The following PKD1L1 variants were observed in gnomAD, a reference collection of about 807,000 sequenced individuals.
PKD1L1 encodes the protein polycystin-1-like protein 1.
Under a neutral mutation model 323.4 loss-of-function variants are expected in PKD1L1, and 236 were observed. The ratio of observed to expected loss-of-function variants is 0.73; its 90% CI spans 0.66 to 0.81. PKD1L1 has a LOEUF of 0.81. PKD1L1 is among the 40% of genes least tolerant of loss of function. The probability of loss-of-function intolerance (pLI) is 0.00; values close to 1 mark genes in which losing one functional copy is unlikely to be tolerated. For synonymous variants in PKD1L1, 1,344 were observed against 1,335.0 expected (o/e 1.01, Z -0.15); for missense variants, 3,320 against 3,508.0 (o/e 0.95, Z 1.35).
intron 24 of PKD1L1, among the ~76,000 whole-genome samples, chr7:47,870,137 T>A (rs1011076104): frequency 1.3e-5 from 2 of 151,332 alleles, no homozygotes; most frequent in African/African-American, 4.9e-5. Context: ...ATAAAGAAGA[T>A]GACGAATCAA....
intron 31 of PKD1L1, among the ~76,000 whole-genome samples, chr7:47,850,889 T>C (rs1785767830): frequency 6.6e-6 from 1 of 152,178 alleles, no homozygotes; most frequent in African/African-American, 2.4e-5. Flanking sequence ...GCTTTAATTC[T>C]AAAACGATTT....
At chr7:47,937,300 A>G in intron 3 of PKD1L1, among the ~76,000 whole-genome samples, 2 of 148,760 alleles carry the variant, frequency 1.3e-5, no homozygotes, top group East Asian at 2.0e-4. Flanking sequence ...ACAGGGTCAG[A>G]GAAGGCCGCT....
Position 47,792,690 on chromosome 7 carries a change from G to T in PKD1L1, c.8463C>A (p.Asn2821Lys). 1 of 1,614,084 alleles carries T rather than the reference G, an allele frequency of 6.2e-7. No individual in the cohort carries two copies. The highest frequency in any genetic ancestry group is 8.5e-7 in the Non-Finnish European group (1 of 1,179,950). Residue 2821 changes from asparagine to lysine, a missense_variant, in exon 56 of 57, where the codon AAC becomes AAA. By Grantham distance (94) the Asn-to-Lys change is moderately conservative. Transcript: ENST00000289672. ...TCTCTTCTGTCCTTGCCTCCCCTGT[G>T]TTGTTGGATGTTTTTTCCAGAAGGG... ...QLPLLEKTSN[N>K]TGEARTEESP...
At position 47,839,768 on chromosome 7, in the gene PKD1L1, T is replaced by C; in HGVS notation, c.5553-106A>G. 1.8e-6 allele frequency: 2 copies of C among 1,098,290 alleles called. No homozygotes were observed. Among genetic ancestry groups the C allele is most frequent in the East Asian group, 5.2e-5 (2 of 38,386 alleles). 68.0% of individuals were successfully genotyped at this position (1,098,290 alleles called of 1,614,324 possible). On this transcript the variant is annotated intron_variant, in intron 35 of 56. Transcript: ENST00000289672. This position sits in a 1 kb window ranked among gnomAD's most constrained non-coding sequence, Gnocchi z 4.3. ...CAAGGCACTGATGGCCCACAGAGGG[T>C]GGATGGGACATGTCAAAGGTGACTG... is the stretch of plus-strand genomic sequence containing the variant.
rs1785381092 is a variant in PKD1L1, at chr7:47,833,079, G to A, written c.6337+11C>T. The A allele has an allele frequency of 6.2e-7, 1 of 1,605,302 alleles. No homozygotes were observed. Among genetic ancestry groups the A allele is most frequent in the African/African-American group, 1.3e-5 (1 of 74,978 alleles). The stretch of plus-strand genomic sequence containing the variant: ...GGCAGGAAGGGGGCTGTGGTTGCAA[G>A]CCACAGTTACCTTGAGTGTGGGGAG... On this transcript the variant is annotated intron_variant, in intron 41 of 56. Transcript: ENST00000289672.
At chr7:47,855,952 T>C (rs745526345) in intron 28 of PKD1L1, among the ~76,000 whole-genome samples, 20 of 151,316 alleles carry the variant, frequency 1.3e-4, no homozygotes, top group Non-Finnish European at 2.9e-4. Flanking sequence ...CCATTGCTCA[T>C]AGAAATCATA....
chr7:47,897,478 CCT>C (rs1786982269), intron 14 of PKD1L1, among the ~76,000 whole-genome samples: 1 of 152,204 alleles, frequency 6.6e-6, no homozygotes, highest in Non-Finnish European at 1.5e-5. Flanking sequence ...TTTTCAGCAC[CCT>C]GTTTCTTGAA....
chr7:47,932,637 C>T (rs1021777060), intron 4 of PKD1L1, among the ~76,000 whole-genome samples: 2 of 152,106 alleles, frequency 1.3e-5, no homozygotes, highest in African/African-American at 4.8e-5. Context: ...TGCTGATGAG[C>T]CCCAGCGAGC....
chr7:47,907,602 A>T (rs1410712806), intron 9 of PKD1L1, among the ~76,000 whole-genome samples: 2 of 152,164 alleles, frequency 1.3e-5, no homozygotes, highest in Non-Finnish European at 1.5e-5. Flanking sequence ...CACCTGGCAC[A>T]CTCAGTGAGC....
At chr7:47,790,075 G>A (rs1210801498) in intron 56 of PKD1L1, among the ~76,000 whole-genome samples, 1 of 151,814 alleles carries the variant, frequency 6.6e-6, no homozygotes, top group Non-Finnish European at 1.5e-5. Context: ...ATTTTTAGTA[G>A]AGACGGAGTT....
At chr7:47,848,950 C>T (rs775585520) in intron 31 of PKD1L1, among the ~76,000 whole-genome samples, 4 of 152,172 alleles carry the variant, frequency 2.6e-5, no homozygotes, top group Non-Finnish European at 5.9e-5. Context: ...TCAAACTATA[C>T]AACGAGGCTA....
chr7:47,888,524 G>A (rs772323344), intron 16 of PKD1L1, among the ~76,000 whole-genome samples: 2 of 152,230 alleles, frequency 1.3e-5, no homozygotes, highest in Admixed American at 6.5e-5. Flanking sequence ...TTGCCACCAC[G>A]TGATCCCTCT....
chr7:47,786,686 C>A (rs1048401163), intron 56 of PKD1L1, among the ~76,000 whole-genome samples: 2 of 152,226 alleles, frequency 1.3e-5, no homozygotes, highest in Non-Finnish European at 2.9e-5. Context: ...ACCCTTCTGA[C>A]ATCTCTAAAT....
chr7:47,790,892 G>A (rs368593662), intron 56 of PKD1L1, among the ~76,000 whole-genome samples: 1 of 151,686 alleles, frequency 6.6e-6, no homozygotes, highest in African/African-American at 2.4e-5. Flanking sequence ...GAGTAACTGG[G>A]ACCACAGGTT....
In PKD1L1 at chr7:47,873,972, T is replaced by C; in HGVS notation, c.3823A>G (p.Lys1275Glu). 6.2e-7 allele frequency: 1 copy of C among 1,613,800 alleles called. No homozygotes were observed. The highest frequency in any genetic ancestry group is 8.5e-7 in the Non-Finnish European group (1 of 1,179,856). The stretch of plus-strand genomic sequence containing the variant: ...ACCACCACAGTGCACGGCTGGACCT[T>C]GGAGCCTTTGCCATCTGTGATTTCA... ...STEITDGKGS[K>E]VQPCTVVVTV... Residue 1275 changes from lysine (K) to glutamate (E), a missense_variant, in exon 24 of 57, where the codon AAG becomes GAG. Physicochemically the swap from Lys to Glu is moderately conservative, Grantham distance 56. Coordinates refer to ENST00000289672, the MANE Select transcript of PKD1L1 (RefSeq NM_138295.5).
intron 19 of PKD1L1, among the ~76,000 whole-genome samples, chr7:47,884,183 A>T (rs1320115690): frequency 7.0e-6 from 1 of 142,230 alleles, no homozygotes; most frequent in East Asian, 2.3e-4. Context: ...GGTTGGGGGG[A>T]AGGCGGGGGG....
rs371534536 is a variant in PKD1L1 at position 47,936,843 on chromosome 7, T to C, written c.398+3A>G. On this transcript the variant is annotated splice_donor_region_variant and intron_variant, in intron 4 of 56. Coordinates refer to ENST00000289672, the MANE Select transcript of PKD1L1 (RefSeq NM_138295.5). ...AATATTTCGCCATGGTACATTGACA[T>C]ACCTATCAGCACTGTTATCACAATC... 1.9e-6 allele frequency: 3 copies of C among 1,596,796 alleles called. No homozygotes were observed. Among genetic ancestry groups the C allele is most frequent in the African/African-American group, 2.7e-5 (2 of 73,842 alleles).
chr7:47,827,515 G>A (rs1193138385), intron 44 of PKD1L1, 47 bp from the exon 45 acceptor site: 1 of 1,513,360 alleles, frequency 6.6e-7, no homozygotes, highest in Non-Finnish European at 9.0e-7. Context: ...TGGGTGGAAG[G>A]AGAGAGGCCC....
chr7:47,876,532 C>T (rs890005612), intron 22 of PKD1L1, among the ~76,000 whole-genome samples: 62 of 152,160 alleles, frequency 4.1e-4, no homozygotes, highest in Non-Finnish European at 1.3e-4. Flanking sequence ...TGAAGGGCCC[C>T]AGCTGCCCCT....
Sources: gnomAD v4.1 joint callset for allele counts (sites outside exome capture counted in the v4.1 genomes callset) on GRCh38, gnomAD v4.1.1 for gene constraint, Gnocchi (gnomAD v3.1) non-coding constraint, MANE v1.5 for transcripts, NCBI Gene and HGNC (gene_info 2026-07-23, HGNC 2026-07-21) for gene names.